The following MPDZ variants were observed in gnomAD, a reference collection of about 807,000 sequenced individuals.
MPDZ encodes the protein multiple PDZ domain crumbs cell polarity complex component.
MPDZ carries 234 observed loss-of-function variants against 239.1 expected under a neutral mutation model. The observed-to-expected ratio is 0.98, with a 90% CI of 0.88 to 1.09. MPDZ has a LOEUF of 1.09. Among genes scored for constraint, MPDZ ranks in the 50% least tolerant of loss-of-function variants. The pLI is 0.00. For missense variants in MPDZ, 3,175 were observed against 2,510.0 expected, an observed-to-expected ratio of 1.26 and a Z score of -5.66; for synonymous variants, 1,048 against 881.3, an observed-to-expected ratio of 1.19 and a Z score of -3.35.
At chr9:13,166,027 CCAAT>C (rs1951031649) in intron 22 of MPDZ, among the ~76,000 whole-genome samples, 1 of 152,068 alleles carries the variant, frequency 6.6e-6, no homozygotes, top group Non-Finnish European at 1.5e-5. Flanking sequence ...TTCCCTAAAA[CCAAT>C]CAGTTATGTA....
At chr9:13,149,446 G>A (rs1275872842) in intron 25 of MPDZ, among the ~76,000 whole-genome samples, 3 of 152,066 alleles carry the variant, frequency 2.0e-5, no homozygotes, top group Admixed American at 1.3e-4. Flanking sequence ...GTCTTTATTT[G>A]CAAGTTGTCT....
chr9:13,251,166 A>AAAAAGAAAT (rs1967903900), intron 1 of MPDZ, among the ~76,000 whole-genome samples: 1 of 151,758 alleles, frequency 6.6e-6, no homozygotes, highest in South Asian at 2.1e-4. Flanking sequence ...AAGAAAAGAA[A>AAAAAGAAAT]AAAAGAAATG....
chr9:13,270,319 C>T (rs1327890884), intron 1 of MPDZ, among the ~76,000 whole-genome samples: 6 of 152,028 alleles, frequency 3.9e-5, no homozygotes, highest in Admixed American at 2.6e-4. Flanking sequence ...TTACAAATGA[C>T]CCAAAAAAGG....
rs185379226 is a variant in MPDZ, at chr9:13,203,261, G to A, written c.1546+1775C>T. Among the ~76,000 whole-genome samples the A allele has an allele frequency of 3.4e-3, 523 of 152,282 alleles. 5 individuals carry two copies. Among genetic ancestry groups the A allele is most frequent in the Middle Eastern group, 0.014 (4 of 294 alleles). On this transcript the variant is annotated intron_variant, in intron 12 of 46. Coordinates refer to ENST00000319217, the MANE Select transcript of MPDZ (RefSeq NM_001378778.1). ...GGGAAGCTTTGAACTGATTCTGCAAGAGAAACAGGAGGGTCAGTTCAGAGT... is the reference window on the plus strand; with the variant it reads ...GGGAAGCTTTGAACTGATTCTGCAAAAGAAACAGGAGGGTCAGTTCAGAGT...
At chr9:13,268,459 CCT>C (rs1226409003) in intron 1 of MPDZ, among the ~76,000 whole-genome samples, 2 of 152,128 alleles carry the variant, frequency 1.3e-5, no homozygotes, top group Non-Finnish European at 2.9e-5. Flanking sequence ...TCTTTATCCA[CCT>C]CTGTCACTGA....
intron 3 of MPDZ, among the ~76,000 whole-genome samples, chr9:13,234,943 A>C (rs1394264044): frequency 6.6e-6 from 1 of 152,186 alleles, no homozygotes; most frequent in African/African-American, 2.4e-5. Flanking sequence ...TATGAAATGC[A>C]AAGATAGGAT....
chr9:13,196,101 CAGA>C lies in MPDZ; in HGVS notation c.1656+17_1656+19del, dbSNP rs781624353. ...AATACAGTTACAAGTTAGAAAATTA[CAGA>C]AGGTCAGCTAACCTACCACTATTTC... On this transcript the variant is annotated intron_variant, in intron 13 of 46. Coordinates refer to ENST00000319217, the MANE Select transcript of MPDZ (RefSeq NM_001378778.1). 9 of 1,502,578 alleles carry C rather than the reference CAGA, an allele frequency of 6.0e-6. No individual in the cohort carries two copies. Among genetic ancestry groups the C allele is most frequent in the Admixed American group, 1.9e-5 (1 of 52,742 alleles). The allele number at this position is 1,502,578 out of a possible 1,614,324, so 93.1% of individuals were successfully genotyped here.
chr9:13,248,922 G>C (rs1246751434), intron 2 of MPDZ, among the ~76,000 whole-genome samples: 1 of 130,736 alleles, frequency 7.6e-6, no homozygotes, highest in African/African-American at 2.8e-5. Flanking sequence ...GCAGTGAGCC[G>C]AGATCATACC....
At chr9:13,158,702 C>T (rs963602304) in intron 23 of MPDZ, among the ~76,000 whole-genome samples, 1 of 152,150 alleles carries the variant, frequency 6.6e-6, no homozygotes, top group Non-Finnish European at 1.5e-5. Context: ...CAGTTTACAA[C>T]GCGTCTGTGT....
rs1279043046 is a variant in MPDZ, at chr9:13,249,008, A to AAAAAAAAC, written c.17-1208_17-1207insGTTTTTTT. Among the ~76,000 whole-genome samples, 490 of 125,320 alleles carry AAAAAAAAC rather than the reference A, an allele frequency of 3.9e-3. 22 individuals carry two copies. Among genetic ancestry groups the AAAAAAAAC allele is most frequent in the Non-Finnish European group, 6.8e-3 (398 of 58,334 alleles). The allele number at this position is 125,320 out of a possible 152,430, so 82.2% of individuals were successfully genotyped here. Reference sequence around the variant, plus strand: ...AAAAAAAAAAAAAAAAAAAAAAAAAAATTGGAATCATCACCAGAGATACTT... The same window carrying AAAAAAAAC: ...AAAAAAAAAAAAAAAAAAAAAAAAAAAAAAAAACATTGGAATCATCACCAGAGATACTT... On this transcript the variant is annotated intron_variant, in intron 2 of 46. Coordinates refer to ENST00000319217, the MANE Select transcript of MPDZ (RefSeq NM_001378778.1).
chr9:13,204,823 C>G (rs563580613), intron 12 of MPDZ, among the ~76,000 whole-genome samples: 2 of 151,928 alleles, frequency 1.3e-5, no homozygotes, highest in African/African-American at 4.8e-5. Context: ...TGTAAGTGAA[C>G]GATAAACAAA....
At chr9:13,264,371 T>A (rs926552856) in intron 1 of MPDZ, among the ~76,000 whole-genome samples, 1 of 152,162 alleles carries the variant, frequency 6.6e-6, no homozygotes, top group African/African-American at 2.4e-5. Flanking sequence ...TTATGATACT[T>A]TGAGTTAAAT....
chr9:13,121,596 G>A, intron 38 of MPDZ, 143 bp downstream of exon 38: 1 of 805,584 alleles, frequency 1.2e-6, no homozygotes, highest in Non-Finnish European at 1.9e-6. Context: ...GTCTTTTTAT[G>A]GTTCCTTAGT....
chr9:13,186,249 T>C, intron 18 of MPDZ, 21 bp downstream of exon 18: 3 of 1,420,716 alleles, frequency 2.1e-6, no homozygotes, highest in Non-Finnish European at 2.8e-6. Flanking sequence ...AAAGAAAGCT[T>C]GATAAGTCAT....
intron 38 of MPDZ, chr9:13,120,089 A>G (rs756694632): frequency 1.0e-4 from 17 of 169,622 alleles, no homozygotes; most frequent in Admixed American, 3.0e-4. Context: ...ACTGAAAATC[A>G]TAACAGATGT....
intron 21 of MPDZ, among the ~76,000 whole-genome samples, chr9:13,172,387 G>GTTTTT (rs34008117): frequency 1.1e-4 from 16 of 145,576 alleles, no homozygotes; most frequent in African/African-American, 4.0e-4. Context: ...TTTGTTTTTT[G>GTTTTT]TTTTTTTTTT....
intron 3 of MPDZ, among the ~76,000 whole-genome samples, chr9:13,238,024 G>C (rs1436100104): frequency 6.6e-6 from 1 of 152,108 alleles, no homozygotes. Flanking sequence ...AGTGATATAG[G>C]AGTTAAGAAG....
intron 24 of MPDZ, 76 bp from the exon 25 acceptor site, chr9:13,150,764 G>A (rs1949059081): frequency 9.0e-6 from 9 of 1,004,134 alleles, no homozygotes; most frequent in African/African-American, 1.7e-5. Context: ...ATTTGGCAAT[G>A]ATTTCTTATA....
In MPDZ at chr9:13,224,365, T is replaced by C. The variant is rs776382894; in HGVS notation, c.393+9A>G. On this transcript the variant is annotated intron_variant, in intron 4 of 46. Transcript: ENST00000319217. ...TATTACAATAACTAACAGAAAGAAATGTTCTTACCTGGGCCATATTTTTGA... is the reference window on the plus strand; with the variant it reads ...TATTACAATAACTAACAGAAAGAAACGTTCTTACCTGGGCCATATTTTTGA... The C allele has an allele frequency of 1.2e-6, 2 of 1,601,016 alleles. No individual in the cohort carries two copies. The highest frequency in any genetic ancestry group is 1.3e-5 in the African/African-American group (1 of 74,540).
Sources: gnomAD v4.1 joint callset for allele counts (sites outside exome capture counted in the v4.1 genomes callset) on GRCh38, gnomAD v4.1.1 for gene constraint, MANE v1.5 for transcripts, NCBI Gene and HGNC (gene_info 2026-07-23, HGNC 2026-07-21) for gene names.